The following VSTM4 variants were observed in gnomAD, a reference collection of about 807,000 sequenced individuals.
VSTM4 encodes the protein V-set and transmembrane domain containing 4.
A neutral mutation model predicts 36.4 loss-of-function variants in VSTM4; 20 were observed. The ratio of observed to expected loss-of-function variants is 0.55; its 90% CI spans 0.39 to 0.80. VSTM4 has a LOEUF of 0.80. Ranked by LOEUF, VSTM4 falls within the 30% of genes least tolerant of loss-of-function variation. The probability of loss-of-function intolerance (pLI) is 0.00; values close to 1 mark genes in which losing one functional copy is unlikely to be tolerated. For synonymous variants in VSTM4, 182 were observed against 173.9 expected (o/e 1.05, Z -0.37); for missense variants, 392 against 404.5 (o/e 0.97, Z 0.26).
At chr10:49,076,678 G>A (rs1844184853) in intron 4 of VSTM4, among the ~76,000 whole-genome samples, 1 of 152,186 alleles carries the variant, frequency 6.6e-6, no homozygotes, top group African/African-American at 2.4e-5. Context: ...TGAGAGGAAG[G>A]CAGGAAGGGG....
chr10:49,042,218 C>T (rs548642319), intron 7 of VSTM4, among the ~76,000 whole-genome samples: 3 of 152,326 alleles, frequency 2.0e-5, no homozygotes, highest in African/African-American at 7.2e-5. Flanking sequence ...TTATGCTCCA[C>T]AGTTTCCAAA....
chr10:49,028,395 G>T (rs1162800677), intron 7 of VSTM4, among the ~76,000 whole-genome samples: 1 of 152,222 alleles, frequency 6.6e-6, no homozygotes, highest in Non-Finnish European at 1.5e-5. Context: ...ACAGCAGGTA[G>T]CAGCCTCTGG....
intron 7 of VSTM4, among the ~76,000 whole-genome samples, chr10:49,040,198 G>A (rs1843498346): frequency 6.6e-6 from 1 of 152,194 alleles, no homozygotes; most frequent in Non-Finnish European, 1.5e-5. Context: ...TTTGAAAGCA[G>A]GTTGTTGTGT....
intron 2 of VSTM4, chr10:49,103,693 C>G (rs753578508): frequency 1.9e-6 from 3 of 1,604,352 alleles, no homozygotes; most frequent in East Asian, 4.5e-5. Flanking sequence ...CAGGCACCAG[C>G]CTTTCTTTCT....
chr10:49,060,278 A>G (rs1182109772), intron 5 of VSTM4, among the ~76,000 whole-genome samples: 2 of 152,204 alleles, frequency 1.3e-5, no homozygotes, highest in African/African-American at 2.4e-5. Flanking sequence ...GAAACCATCA[A>G]GTTGTTTTCC....
chr10:49,039,607 T>C (rs1279384840), intron 7 of VSTM4, among the ~76,000 whole-genome samples: 1 of 152,046 alleles, frequency 6.6e-6, no homozygotes. Flanking sequence ...CCCTAGGGCT[T>C]CATTATGGAG....
intron 7 of VSTM4, among the ~76,000 whole-genome samples, chr10:49,031,826 C>G (rs550198005): frequency 2.6e-4 from 40 of 152,278 alleles, no homozygotes; most frequent in East Asian, 5.8e-4. Context: ...TTGCTCCACA[C>G]GTCCCTCTTG....
At chr10:49,087,913 A>G (rs1440923571) in intron 2 of VSTM4, among the ~76,000 whole-genome samples, 1 of 147,146 alleles carries the variant, frequency 6.8e-6, no homozygotes, top group Non-Finnish European at 1.5e-5. Context: ...TTATATATGT[A>G]TATATATACA....
chr10:49,047,325 A>G (rs1265434718), intron 6 of VSTM4, among the ~76,000 whole-genome samples: 3 of 152,108 alleles, frequency 2.0e-5, no homozygotes, highest in Non-Finnish European at 4.4e-5. Flanking sequence ...AACCAGATGC[A>G]CCCAGTGAAG....
intron 5 of VSTM4, among the ~76,000 whole-genome samples, chr10:49,059,605 G>A (rs940540643): frequency 3.9e-5 from 6 of 151,946 alleles, no homozygotes; most frequent in Non-Finnish European, 7.4e-5. Flanking sequence ...GCATGTTGGC[G>A]GGCTGATCAT....
At chr10:49,077,680 C>A (rs1221871394) in intron 3 of VSTM4, among the ~76,000 whole-genome samples, 1 of 152,066 alleles carries the variant, frequency 6.6e-6, no homozygotes, top group Non-Finnish European at 1.5e-5. Flanking sequence ...GAACCACAAA[C>A]CTAAATGTAA....
In VSTM4 at chr10:49,080,666, G is replaced by C. The variant is rs191279895; in HGVS notation, c.527-3340C>G. ...ATCAGAGCTAGTCATGGATGCAGAGGAGGGCTGGGGCGAGAGTTCTGGAAG... is the reference window on the plus strand; with the variant it reads ...ATCAGAGCTAGTCATGGATGCAGAGCAGGGCTGGGGCGAGAGTTCTGGAAG... On this transcript the variant is annotated intron_variant, in intron 3 of 7. Coordinates refer to ENST00000332853, the MANE Select transcript of VSTM4 (RefSeq NM_001031746.5). Among the ~76,000 whole-genome samples the C allele has an allele frequency of 3.7e-4, 56 of 152,370 alleles. No homozygotes were observed. In the East Asian group the frequency reaches 9.3e-3, roughly 25 times the overall value.
At chr10:49,020,966 C>A (rs1590063198) in intron 7 of VSTM4, among the ~76,000 whole-genome samples, 1 of 151,658 alleles carries the variant, frequency 6.6e-6, no homozygotes, top group African/African-American at 2.4e-5. Flanking sequence ...AGTAATAGAT[C>A]AAAAGAGAAA....
chr10:49,094,042 C>T (rs1036390440), intron 2 of VSTM4, among the ~76,000 whole-genome samples: 3 of 152,138 alleles, frequency 2.0e-5, no homozygotes, highest in Non-Finnish European at 2.9e-5. Context: ...CCACGGTGCC[C>T]GGCCGTCATA....
intron 2 of VSTM4, among the ~76,000 whole-genome samples, chr10:49,088,975 C>T (rs12762859): frequency 0.096 from 14,638 of 152,278 alleles, 946 homozygotes; most frequent in East Asian, 0.21. Context: ...GGCCCCATGC[C>T]GGATCTACTG....
At chr10:49,111,396 C>T (rs552168156) in intron 1 of VSTM4, among the ~76,000 whole-genome samples, 4 of 152,246 alleles carry the variant, frequency 2.6e-5, no homozygotes, top group African/African-American at 4.8e-5. Flanking sequence ...ACAGGGCCCC[C>T]GGGAGCCCAG....
intron 5 of VSTM4, among the ~76,000 whole-genome samples, chr10:49,053,502 T>C (rs1395134375): frequency 6.6e-6 from 1 of 152,196 alleles, no homozygotes; most frequent in Admixed American, 6.5e-5. Context: ...CCCACCAATC[T>C]GTAAAAGGGG....
chr10:49,115,314 C>T (rs1236035687), intron 1 of VSTM4, 117 bp downstream of exon 1: 2 of 692,726 alleles, frequency 2.9e-6, no homozygotes, highest in East Asian at 1.3e-4. Flanking sequence ...ACAGCGCCGC[C>T]CCCCGCCCGC....
intron 7 of VSTM4, among the ~76,000 whole-genome samples, chr10:49,029,995 G>T (rs896618598): frequency 6.6e-6 from 1 of 152,210 alleles, no homozygotes; most frequent in African/African-American, 2.4e-5. Flanking sequence ...TCACCCCCAG[G>T]TTCCCAGTGT....
Sources: allele counts gnomAD v4.1 joint callset (sites outside exome capture counted in the v4.1 genomes callset), GRCh38; gene constraint gnomAD v4.1.1; transcripts MANE v1.5; gene names NCBI Gene and HGNC (gene_info 2026-07-23, HGNC 2026-07-21).